The following PTPN4 variants were observed in gnomAD, a reference collection of about 807,000 sequenced individuals.
PTPN4 encodes the protein tyrosine-protein phosphatase non-receptor type 4.
A neutral mutation model predicts 135.5 loss-of-function variants in PTPN4; 49 were observed. The observed-to-expected ratio is 0.36, with a 90% CI of 0.29 to 0.46. The LOEUF is 0.46. Ranked by LOEUF, PTPN4 falls within the 20% of genes least tolerant of loss-of-function variation. PTPN4 has a pLI of 1.00. For synonymous variants in PTPN4, 333 were observed against 369.9 expected (o/e 0.90, Z 1.14); for missense variants, 860 against 1,101.0 (o/e 0.78, Z 3.10).
At chr2:119,763,011 A>G (rs1690536384) in intron 1 of PTPN4, among the ~76,000 whole-genome samples, 1 of 152,168 alleles carries the variant, frequency 6.6e-6, no homozygotes, top group East Asian at 1.9e-4. Context: ...TTCATTTAAT[A>G]TTTAATGAGT....
At chr2:119,833,678 C>G (rs1041285876) in intron 2 of PTPN4, among the ~76,000 whole-genome samples, 4 of 151,960 alleles carry the variant, frequency 2.6e-5, no homozygotes, top group African/African-American at 9.7e-5. Context: ...TCACCTCGGA[C>G]TAATTTTTTT....
intron 1 of PTPN4, among the ~76,000 whole-genome samples, chr2:119,773,031 T>G (rs7561560): frequency 0.27 from 41,357 of 152,048 alleles, 5,714 homozygotes; most frequent in South Asian, 0.34. Flanking sequence ...ACCACCAACT[T>G]CCTAGCAATG....
Position 119,869,590 on chromosome 2 carries a change from T to C in PTPN4, c.246+6947T>C, listed in dbSNP as rs980806642. Among the ~76,000 whole-genome samples, 6 of 152,144 alleles carry C rather than the reference T, an allele frequency of 3.9e-5. No individual in the cohort carries two copies. In the East Asian group the frequency reaches 1.2e-3, roughly 29 times the overall value. On this transcript the variant is annotated intron_variant, in intron 3 of 26. Transcript: ENST00000263708. ...TTTTCCCCCACCCCCATTCCTAAAC[T>C]CTGTCCTCTGACACCTCAAGTTAGT...
intron 18 of PTPN4, among the ~76,000 whole-genome samples, chr2:119,951,307 T>C (rs1250814695): frequency 6.6e-6 from 1 of 152,238 alleles, no homozygotes; most frequent in Admixed American, 6.5e-5. Context: ...TCTCTGACTC[T>C]ATTTATGGTC....
chr2:119,858,944 T>G (rs993074571), intron 2 of PTPN4, among the ~76,000 whole-genome samples: 4 of 152,104 alleles, frequency 2.6e-5, no homozygotes, highest in African/African-American at 7.2e-5. Context: ...CTTTTCTGTG[T>G]TGTTCTTATT....
chr2:119,761,072 A>G (rs1264513492), intron 1 of PTPN4, among the ~76,000 whole-genome samples: 1 of 152,148 alleles, frequency 6.6e-6, no homozygotes, highest in Non-Finnish European at 1.5e-5. Flanking sequence ...ATTTTTCAAA[A>G]CGCCTGTTCT....
intron 19 of PTPN4, among the ~76,000 whole-genome samples, chr2:119,952,491 A>G (rs1490498666): frequency 6.6e-6 from 1 of 152,200 alleles, no homozygotes; most frequent in Non-Finnish European, 1.5e-5. Context: ...TATCATCTTC[A>G]GAAGGGCTTT....
At chr2:119,831,257 C>T (rs1034021134) in intron 2 of PTPN4, among the ~76,000 whole-genome samples, 7 of 152,164 alleles carry the variant, frequency 4.6e-5, no homozygotes, top group Admixed American at 2.0e-4. Flanking sequence ...AATACTCTCC[C>T]GCCCATCGCT....
intron 1 of PTPN4, among the ~76,000 whole-genome samples, chr2:119,808,682 C>T (rs186093407): frequency 5.9e-5 from 9 of 152,218 alleles, no homozygotes; most frequent in African/African-American, 1.9e-4. Context: ...CCTCCCAAAT[C>T]GTTGGGATTA....
intron 1 of PTPN4, among the ~76,000 whole-genome samples, chr2:119,768,626 A>G (rs570672842): frequency 2.9e-4 from 44 of 152,056 alleles, no homozygotes; most frequent in Non-Finnish European, 5.3e-4. Context: ...ATTGGTTCCT[A>G]TTATCTCCTC....
chr2:119,945,419 G>T (rs1005384500), intron 16 of PTPN4, among the ~76,000 whole-genome samples, 179 bp downstream of exon 16: 3 of 151,934 alleles, frequency 2.0e-5, no homozygotes, highest in Admixed American at 6.6e-5. Flanking sequence ...TCTATAATTA[G>T]AAGTGATCAT....
intron 26 of PTPN4, among the ~76,000 whole-genome samples, chr2:119,969,054 C>A (rs561993094): frequency 6.6e-6 from 1 of 152,246 alleles, no homozygotes; most frequent in East Asian, 1.9e-4. Flanking sequence ...ACAAGAGTCT[C>A]ACTCTGTTGC....
rs1007615022 is a variant in PTPN4 at position 119,969,619 on chromosome 2, C to T, written c.2694+1647C>T. Among the ~76,000 whole-genome samples, 8 of 127,514 alleles carry T rather than the reference C, an allele frequency of 6.3e-5. 1 individual carries two copies. Among genetic ancestry groups the T allele is most frequent in the South Asian group, 2.6e-4 (1 of 3,916 alleles). The allele number at this position is 127,514 out of a possible 152,430, so 83.7% of individuals were successfully genotyped here. On this transcript the variant is annotated intron_variant, in intron 26 of 26. Transcript: ENST00000263708. ...TGTCGCCCAGGCTGGAGTGCAGTGGCGCGATCTCAGCTCACTGCAAGCTCC... is the reference window on the plus strand; with the variant it reads ...TGTCGCCCAGGCTGGAGTGCAGTGGTGCGATCTCAGCTCACTGCAAGCTCC...
At position 119,797,286 on chromosome 2, in the gene PTPN4, T is replaced by C. The variant is rs113364979; in HGVS notation, c.-17-12551T>C. 2.6e-5 allele frequency among the ~76,000 whole-genome samples: 4 copies of C among 152,330 alleles called. No individual in the cohort carries two copies. In the East Asian group the frequency reaches 5.8e-4, roughly 22 times the overall value. ...TTGTCAAAGTTACGTTGTCCATATA[T>C]ATGGGGGTATTATTCTGGACTGTTT... On this transcript the variant is annotated intron_variant, in intron 1 of 26. Transcript: ENST00000263708.
chr2:119,771,742 T>TA (rs1313199282), intron 1 of PTPN4: 1 of 152,266 alleles, frequency 6.6e-6, no homozygotes, highest in East Asian at 1.9e-4. Context: ...CCTTGAGTTT[T>TA]AGTTTGTCAA....
intron 1 of PTPN4, among the ~76,000 whole-genome samples, chr2:119,776,642 C>G (rs1690843863): frequency 6.6e-6 from 1 of 152,204 alleles, no homozygotes; most frequent in South Asian, 2.1e-4. Context: ...TCCTCTTCCT[C>G]CTCCTCAGCC....
intron 7 of PTPN4, 27 bp downstream of exon 7, chr2:119,882,176 A>G: frequency 6.4e-7 from 1 of 1,568,378 alleles, no homozygotes. Flanking sequence ...TTTTAGGTCA[A>G]ATAGCATATA....
At chr2:119,958,694 C>A (rs1474528850) in intron 22 of PTPN4, among the ~76,000 whole-genome samples, 2 of 152,120 alleles carry the variant, frequency 1.3e-5, no homozygotes, top group Non-Finnish European at 2.9e-5. Context: ...TTCCCCCAGG[C>A]CAAAAGTCAC....
chr2:119,976,076 A>G (rs1679612855), intron 26 of PTPN4, among the ~76,000 whole-genome samples: 2 of 150,498 alleles, frequency 1.3e-5, no homozygotes, highest in Non-Finnish European at 2.9e-5. Context: ...GCTCACTGCA[A>G]GCTCCGCCTC....
Sources: gnomAD v4.1 joint callset for allele counts (sites outside exome capture counted in the v4.1 genomes callset) on GRCh38, gnomAD v4.1.1 for gene constraint, MANE v1.5 for transcripts, NCBI Gene and HGNC (gene_info 2026-07-23, HGNC 2026-07-21) for gene names.